The following HYCC2 variants were observed in gnomAD, a reference collection of about 807,000 sequenced individuals.
The protein encoded by HYCC2 is hyccin PI4KA lipid kinase complex subunit 2, also known as hyccin 2.
At chr2:200,984,376 A>G in the HYCC2 span, among the ~76,000 whole-genome samples, 2 of 152,226 alleles carry the variant, frequency 1.3e-5, no homozygotes, top group Non-Finnish European at 2.9e-5. Flanking sequence ...TTTAAAAGTC[A>G]TAAATAGAAT....
At chr2:201,008,369 G>A in the HYCC2 span, among the ~76,000 whole-genome samples, 1 of 152,122 alleles carries the variant, frequency 6.6e-6, no homozygotes, top group Admixed American at 6.5e-5. Flanking sequence ...CCAAACATTA[G>A]ACAATGGGTA....
At chr2:201,002,281 C>CAAAAAAAAAAAAAAAAAA in the HYCC2 span, among the ~76,000 whole-genome samples, 1 of 82,862 alleles carries the variant, frequency 1.2e-5, no homozygotes. Context: ...ACCAATCAGC[C>CAAAAAAAAAAAAAAAAAA]AAAAAAAAAA....
chr2:201,064,041 G>C, the HYCC2 span: 1 of 1,593,522 alleles, frequency 6.3e-7, no homozygotes. Context: ...GGCAGTGGCA[G>C]AAGATTTTAA....
the HYCC2 span, among the ~76,000 whole-genome samples, chr2:201,053,947 G>C: frequency 6.6e-6 from 1 of 152,164 alleles, no homozygotes; most frequent in Admixed American, 6.5e-5. Context: ...CTGGATGACA[G>C]AGCGAGACTC....
At chr2:200,991,005 G>A in the HYCC2 span, among the ~76,000 whole-genome samples, 1 of 152,288 alleles carries the variant, frequency 6.6e-6, no homozygotes, top group South Asian at 2.1e-4. Flanking sequence ...ACTGCACCCA[G>A]CCTTACATTT....
the HYCC2 span, among the ~76,000 whole-genome samples, chr2:200,982,214 C>T: frequency 6.9e-3 from 1,034 of 150,484 alleles, 8 homozygotes; most frequent in African/African-American, 0.024. Flanking sequence ...TCTGAAATGA[C>T]CATATCTACC....
At chr2:200,981,557 C>A in the HYCC2 span, 1 of 1,614,206 alleles carries the variant, frequency 6.2e-7, no homozygotes. The surrounding 1 kb of genome is among the most constrained non-coding windows in gnomAD (Gnocchi z 4.5). Flanking sequence ...TTTGGCACCA[C>A]CTGGCCAGCA....
chr2:201,064,088 G>A, the HYCC2 span: 6 of 1,513,702 alleles, frequency 4.0e-6, no homozygotes, highest in Non-Finnish European at 5.4e-6. Context: ...GAGAGCCAGA[G>A]AAGTGACAGG....
chr2:201,036,172 A>T, the HYCC2 span, among the ~76,000 whole-genome samples: 2 of 152,122 alleles, frequency 1.3e-5, no homozygotes, highest in Non-Finnish European at 2.9e-5. Flanking sequence ...GGACACATAT[A>T]CCCTCCCAAG....
At chr2:200,977,900 G>C in the HYCC2 span, 1 of 152,122 alleles carries the variant, frequency 6.6e-6, no homozygotes, top group East Asian at 1.9e-4. Context: ...ATTTTAGTTT[G>C]CTTTCTAGTA....
the HYCC2 span, chr2:201,016,890 T>C: frequency 9.8e-6 from 12 of 1,221,960 alleles, no homozygotes; most frequent in African/African-American, 1.4e-4. Flanking sequence ...CATGAGCCAC[T>C]GCGCCTGGCC....
At chr2:201,017,156 G>A in the HYCC2 span, 5 of 1,612,544 alleles carry the variant, frequency 3.1e-6, no homozygotes, top group Non-Finnish European at 4.2e-6. Context: ...GCTGATGGCA[G>A]ACAGGCTCCA....
the HYCC2 span, chr2:200,974,971 C>CTAGG: frequency 2.0e-5 from 3 of 151,810 alleles, no homozygotes; most frequent in Non-Finnish European, 4.4e-5. Context: ...CCATAATGCC[C>CTAGG]CCCTAAATTT....
At chr2:201,068,252 A>C in the HYCC2 span, among the ~76,000 whole-genome samples, 3 of 152,016 alleles carry the variant, frequency 2.0e-5, no homozygotes, top group South Asian at 4.2e-4. Flanking sequence ...GCGCCACTGC[A>C]CTCCAGCCAG....
At chr2:201,018,956 T>C in the HYCC2 span, among the ~76,000 whole-genome samples, 35 of 152,342 alleles carry the variant, frequency 2.3e-4, no homozygotes, top group African/African-American at 6.3e-4. Flanking sequence ...AAGTTGATGT[T>C]TCCACTCTAC....
the HYCC2 span, chr2:200,978,070 G>A: frequency 1.3e-5 from 2 of 152,118 alleles, no homozygotes; most frequent in South Asian, 4.2e-4. Context: ...ATGGAGATTA[G>A]AAAATATATA....
the HYCC2 span, among the ~76,000 whole-genome samples, chr2:201,065,002 T>C: frequency 2.6e-5 from 4 of 152,318 alleles, no homozygotes; most frequent in East Asian, 7.7e-4. Context: ...CAAGCACTCA[T>C]GTATACGTGT....
At chr2:201,033,180 T>G in the HYCC2 span, among the ~76,000 whole-genome samples, 6 of 144,492 alleles carry the variant, frequency 4.2e-5, no homozygotes, top group Admixed American at 1.4e-4. Flanking sequence ...TGTGTGTGTG[T>G]GTGTGTGTGT....
chr2:201,062,508 C>A, the HYCC2 span, among the ~76,000 whole-genome samples: 1 of 151,834 alleles, frequency 6.6e-6, no homozygotes, highest in African/African-American at 2.4e-5. Context: ...ATTAGCCAGG[C>A]GTGGTGGTGG....
Sources: gnomAD v4.1 joint callset for allele counts (sites outside exome capture counted in the v4.1 genomes callset) on GRCh38, gnomAD v4.1.1 for gene constraint, Gnocchi (gnomAD v3.1) non-coding constraint, MANE v1.5 for transcripts, NCBI Gene and HGNC (gene_info 2026-07-23, HGNC 2026-07-21) for gene names.